The following GRIK2 variants were observed in gnomAD, a reference collection of about 807,000 sequenced individuals.
GRIK2 encodes glutamate receptor ionotropic, kainate 2.
GRIK2 carries 32 observed loss-of-function variants against 100.3 expected under a neutral mutation model. The ratio of observed to expected loss-of-function variants is 0.32; its 90% CI spans 0.24 to 0.43. The LOEUF is 0.43. Among genes scored for constraint, GRIK2 ranks in the 20% least tolerant of loss-of-function variants. GRIK2 has a pLI of 1.00. For synonymous variants in GRIK2, 417 were observed against 389.4 expected, an observed-to-expected ratio of 1.07 and a Z score of -0.83; for missense variants, 843 against 1,114.9, an observed-to-expected ratio of 0.76 and a Z score of 3.47.
chr6:101,703,459 T>A (rs1002258900), intron 7 of GRIK2, among the ~76,000 whole-genome samples: 1 of 151,880 alleles, frequency 6.6e-6, no homozygotes, highest in African/African-American at 2.4e-5. Context: ...GAACTAATCA[T>A]TTTGATTTGA....
rs370241149 is a variant in GRIK2 at position 101,909,371 on chromosome 6, G to GTTTTT, written c.1749-15226_1749-15225insTTTTT. Among the ~76,000 whole-genome samples, 146 of 83,512 alleles carry GTTTTT rather than the reference G, an allele frequency of 1.7e-3. 30 individuals are homozygous for GTTTTT. The highest frequency in any genetic ancestry group is 3.4e-3 in the South Asian group (8 of 2,322). The allele number at this position is 83,512 out of a possible 152,430, so 54.8% of individuals were successfully genotyped here. On this transcript the variant is annotated intron_variant, in intron 12 of 16. Coordinates refer to ENST00000369134, the MANE Select transcript of GRIK2 (RefSeq NM_021956.5). ...TTTTTGGATGCTGAAGGAAGATAGG[G>GTTTTT]TTTTCTTTTTCTTTTTTTTTTTTTT... is the stretch of plus-strand genomic sequence containing the variant.
intron 2 of GRIK2, among the ~76,000 whole-genome samples, chr6:101,554,564 G>C (rs1210797860): frequency 2.0e-5 from 3 of 151,970 alleles, no homozygotes; most frequent in Non-Finnish European, 4.4e-5. Flanking sequence ...TCTACTCCTG[G>C]CTAGGTTAGG....
chr6:102,057,421 C>T lies in GRIK2; in HGVS notation c.2562+1841C>T, dbSNP rs9485588. Among the ~76,000 whole-genome samples the T allele has an allele frequency of 5.7e-3, 865 of 151,984 alleles. 11 individuals carry two copies. The highest frequency in any genetic ancestry group is 0.02 in the African/African-American group (825 of 41,512). On this transcript the variant is annotated intron_variant, in intron 16 of 16. Transcript: ENST00000369134. ...GCGAGGATTTAATTTTGTAACGTAT[C>T]GTGCTTCATTGTTATTACGAACACG...
At chr6:101,528,140 C>T (rs1775244472) in intron 2 of GRIK2, among the ~76,000 whole-genome samples, 1 of 152,102 alleles carries the variant, frequency 6.6e-6, no homozygotes, top group East Asian at 1.9e-4. Context: ...CTTGAGTTAG[C>T]TAATTAATAC....
chr6:101,678,738 A>G (rs1052049334), intron 5 of GRIK2, among the ~76,000 whole-genome samples: 3 of 152,226 alleles, frequency 2.0e-5, no homozygotes, highest in Non-Finnish European at 4.4e-5. Context: ...GCAAAAATAG[A>G]TGAGCTTTCA....
chr6:101,418,711 T>G (rs1283153760), intron 2 of GRIK2, among the ~76,000 whole-genome samples: 1 of 152,156 alleles, frequency 6.6e-6, no homozygotes, highest in East Asian at 1.9e-4. Context: ...GATTACCCTG[T>G]TTGTTCCTTT....
At chr6:101,676,049 A>G (rs9390766) in intron 4 of GRIK2, among the ~76,000 whole-genome samples, 17,530 of 152,176 alleles carry the variant, frequency 0.12, 1,290 homozygotes, top group East Asian at 0.3. Flanking sequence ...ATTAAAGGCA[A>G]TCTAGAATAA....
intron 2 of GRIK2, among the ~76,000 whole-genome samples, chr6:101,433,106 G>A (rs1380647121): frequency 1.3e-5 from 2 of 152,092 alleles, no homozygotes; most frequent in Non-Finnish European, 2.9e-5. Context: ...AAAATCCCAA[G>A]AGAAAATCCC....
intron 2 of GRIK2, among the ~76,000 whole-genome samples, chr6:101,479,620 A>C (rs182372043): frequency 6.6e-6 from 1 of 152,060 alleles, no homozygotes; most frequent in East Asian, 1.9e-4. Flanking sequence ...GCTAAGTTCA[A>C]CTCTTTTCTT....
chr6:101,721,328 GCAGAT>G (rs1211500019), intron 7 of GRIK2, among the ~76,000 whole-genome samples: 1 of 152,044 alleles, frequency 6.6e-6, no homozygotes, highest in Non-Finnish European at 1.5e-5. Flanking sequence ...GCCGAGATGG[GCAGAT>G]CACTTGAACC....
chr6:102,063,779 A>T (rs1771870443), intron 16 of GRIK2, among the ~76,000 whole-genome samples: 2 of 149,484 alleles, frequency 1.3e-5, no homozygotes, highest in Admixed American at 1.3e-4. Flanking sequence ...AGCTCTATAA[A>T]AAAGCAATGT....
chr6:101,696,232 G>A (rs1290301914), intron 7 of GRIK2, among the ~76,000 whole-genome samples: 3 of 151,494 alleles, frequency 2.0e-5, no homozygotes, highest in Non-Finnish European at 4.4e-5. Context: ...AATTTTAGAG[G>A]AATTTTATTT....
intron 2 of GRIK2, among the ~76,000 whole-genome samples, chr6:101,502,326 T>C (rs1773800714): frequency 6.6e-6 from 1 of 152,108 alleles, no homozygotes; most frequent in Non-Finnish European, 1.5e-5. Flanking sequence ...GATATATATA[T>C]ACACACATAC....
chr6:101,926,080 A>G (rs1008164364), intron 13 of GRIK2, among the ~76,000 whole-genome samples: 3 of 151,390 alleles, frequency 2.0e-5, no homozygotes, highest in Non-Finnish European at 2.9e-5. Context: ...GAAAATCCAG[A>G]AAACTTTTAC....
intron 2 of GRIK2, among the ~76,000 whole-genome samples, chr6:101,508,971 C>T (rs748330915): frequency 1.3e-5 from 2 of 151,872 alleles, no homozygotes; most frequent in Non-Finnish European, 2.9e-5. Context: ...CTGGCTAACA[C>T]GGTGAAACCC....
intron 14 of GRIK2, among the ~76,000 whole-genome samples, chr6:102,000,121 C>G (rs538192489): frequency 6.6e-6 from 1 of 151,882 alleles, no homozygotes; most frequent in Admixed American, 6.6e-5. Context: ...CTGTTGTTTG[C>G]TAGTTCTGTT....
At chr6:102,001,364 A>G (rs1794932228) in intron 14 of GRIK2, among the ~76,000 whole-genome samples, 1 of 146,638 alleles carries the variant, frequency 6.8e-6, no homozygotes. Flanking sequence ...CTTGTTCCCC[A>G]CCCCCCGACA....
At chr6:101,653,351 T>G (rs1170049965) in intron 4 of GRIK2, among the ~76,000 whole-genome samples, 1 of 152,008 alleles carries the variant, frequency 6.6e-6, no homozygotes, top group East Asian at 1.9e-4. Flanking sequence ...TGTCATCCTA[T>G]GCCTATATAA....
intron 11 of GRIK2, among the ~76,000 whole-genome samples, chr6:101,872,164 C>T (rs1468484146): frequency 6.6e-6 from 1 of 151,910 alleles, no homozygotes; most frequent in Non-Finnish European, 1.5e-5. Flanking sequence ...AAATTCGTGT[C>T]TATCCAATTT....
Sources: allele counts gnomAD v4.1 joint callset (sites outside exome capture counted in the v4.1 genomes callset), GRCh38; gene constraint gnomAD v4.1.1; transcripts MANE v1.5; gene names NCBI Gene and HGNC (gene_info 2026-07-23, HGNC 2026-07-21).